CPO: variants seen among roughly 807,000 people sequenced by gnomAD.
CPO encodes carboxypeptidase O, also known as metallocarboxypeptidase C.
In CPO, 43 loss-of-function variants were observed where a neutral mutation model predicts 41.2. That is an observed-to-expected ratio of 1.04 (90% CI 0.82 to 1.35). CPO has a LOEUF of 1.35. CPO is among the 40% of genes most tolerant of loss of function. CPO has a pLI of 0.00. For missense variants in CPO, 408 were observed against 451.7 expected, an observed-to-expected ratio of 0.90 and a Z score of 0.88; for synonymous variants, 178 against 162.7, an observed-to-expected ratio of 1.09 and a Z score of -0.72.
chr2:206,951,285 A>G (rs1693258529), intron 2 of CPO, among the ~76,000 whole-genome samples: 1 of 152,200 alleles, frequency 6.6e-6, no homozygotes, highest in Non-Finnish European at 1.5e-5. Flanking sequence ...AAAAAGAAAT[A>G]TTTGTATTGC....
chr2:206,969,060 A>G (rs1693634859), intron 8 of CPO, 114 bp from the exon 9 acceptor site: 1 of 1,099,268 alleles, frequency 9.1e-7, no homozygotes, highest in South Asian at 1.5e-5. Flanking sequence ...TGAGACCCTG[A>G]TCTAAAAGAG....
chr2:206,952,792 A>G (rs1693290058), intron 2 of CPO, among the ~76,000 whole-genome samples: 2 of 152,154 alleles, frequency 1.3e-5, no homozygotes, highest in African/African-American at 4.8e-5. Flanking sequence ...GTAAGGACAT[A>G]CCCGAGACTG....
intron 4 of CPO, 126 bp from the exon 5 acceptor site, chr2:206,959,505 G>A (rs1574353938): frequency 1.7e-6 from 1 of 605,296 alleles, no homozygotes; most frequent in Non-Finnish European, 3.0e-6. Context: ...CACGGAGGAG[G>A]GCTTGGGGAC....
At chr2:206,959,979 T>G (rs1472189547) in intron 5 of CPO, among the ~76,000 whole-genome samples, 1 of 152,142 alleles carries the variant, frequency 6.6e-6, no homozygotes, top group Non-Finnish European at 1.5e-5. Context: ...TTTTTCTTTG[T>G]TTTTTACTCT....
At chr2:206,957,557 A>T (rs555713912) in intron 3 of CPO, among the ~76,000 whole-genome samples, 1 of 152,124 alleles carries the variant, frequency 6.6e-6, no homozygotes, top group Non-Finnish European at 1.5e-5. Context: ...TCAGCTTCCA[A>T]TGGTTTTCAA....
intron 8 of CPO, 27 bp from the exon 9 acceptor site, chr2:206,969,147 C>T (rs547219145): frequency 5.0e-6 from 8 of 1,610,296 alleles, no homozygotes; most frequent in Non-Finnish European, 5.9e-6. Context: ...ATGACTTCTA[C>T]CTCTGCCTTC....
intron 2 of CPO, among the ~76,000 whole-genome samples, chr2:206,955,069 G>A (rs1232903696): frequency 6.6e-6 from 1 of 152,146 alleles, no homozygotes; most frequent in Non-Finnish European, 1.5e-5. Flanking sequence ...ATATCACCGG[G>A]ATCTGTAAAG....
At chr2:206,956,885 G>A (rs558683913) in intron 3 of CPO, among the ~76,000 whole-genome samples, 1 of 152,190 alleles carries the variant, frequency 6.6e-6, no homozygotes, top group African/African-American at 2.4e-5. Flanking sequence ...ACTGGTTGAT[G>A]TATTAAGCAT....
At chr2:206,961,022 T>A in intron 6 of CPO, 80 bp downstream of exon 6, 1 of 1,030,344 alleles carries the variant, frequency 9.7e-7, no homozygotes, top group Non-Finnish European at 1.5e-6. Flanking sequence ...AAATGTATAA[T>A]TTTTGAAAAT....
At chr2:206,956,384 T>C (rs1333401025) in intron 3 of CPO, among the ~76,000 whole-genome samples, 1 of 151,320 alleles carries the variant, frequency 6.6e-6, no homozygotes, top group Non-Finnish European at 1.5e-5. Context: ...CCAGTGGTTT[T>C]CAAAGGGCAG....
chr2:206,950,487 A>G (rs1693236824), intron 2 of CPO, among the ~76,000 whole-genome samples: 1 of 152,248 alleles, frequency 6.6e-6, no homozygotes, highest in Admixed American at 6.5e-5. Context: ...GTAGGAGTGT[A>G]AATTAGTTCA....
At chr2:206,962,681 T>G (rs543094502) in intron 7 of CPO, 67 bp downstream of exon 7, 8 of 1,356,698 alleles carry the variant, frequency 5.9e-6, no homozygotes, top group African/African-American at 4.3e-5. Context: ...TTTTCTGATT[T>G]CCATTTCCAA....
intron 1 of CPO, among the ~76,000 whole-genome samples, chr2:206,945,719 T>TA (rs2105819173): frequency 1.3e-5 from 2 of 152,208 alleles, no homozygotes; most frequent in Non-Finnish European, 2.9e-5. Context: ...AGCTGTTTGT[T>TA]AAAAAATAAA....
In CPO at chr2:206,958,179, C is replaced by T. The variant is rs1693406861; in HGVS notation, c.268-122C>T. On this transcript the variant is annotated intron_variant, in intron 3 of 8. Transcript: ENST00000272852. Reference sequence around the variant, plus strand: ...GTCTCATTAGCATCCTTGCCTCCCTCTTGAAACCACAGAGTGGAGTGAAAA... The same window carrying T: ...GTCTCATTAGCATCCTTGCCTCCCTTTTGAAACCACAGAGTGGAGTGAAAA... 4 of 561,954 alleles carry T rather than the reference C, an allele frequency of 7.1e-6. No homozygotes were observed. In the East Asian group the frequency reaches 1.2e-4, roughly 17 times the overall value. 34.8% of individuals were successfully genotyped at this position (561,954 alleles called of 1,614,324 possible).
At chr2:206,945,109 A>C (rs1274276129) in intron 1 of CPO, among the ~76,000 whole-genome samples, 1 of 152,176 alleles carries the variant, frequency 6.6e-6, no homozygotes, top group East Asian at 1.9e-4. Context: ...ATCCTCATAA[A>C]AATCCTTTGG....
chr2:206,950,989 T>C (rs1693251035), intron 2 of CPO, among the ~76,000 whole-genome samples: 1 of 151,918 alleles, frequency 6.6e-6, no homozygotes, highest in Non-Finnish European at 1.5e-5. Flanking sequence ...AAATGACAAG[T>C]TGATGGGTGA....
At chr2:206,965,179 C>G (rs1053810846) in intron 7 of CPO, among the ~76,000 whole-genome samples, 1 of 152,212 alleles carries the variant, frequency 6.6e-6, no homozygotes, top group African/African-American at 2.4e-5. Context: ...GTATCTCTTA[C>G]AGTCTCAGGT....
intron 3 of CPO, among the ~76,000 whole-genome samples, chr2:206,955,886 T>A (rs557282913): frequency 6.6e-6 from 1 of 152,294 alleles, no homozygotes; most frequent in East Asian, 1.9e-4. Context: ...TCACCTGTAT[T>A]TTAAGTTGTT....
chr2:206,939,723 A>T, intron 1 of CPO, 56 bp downstream of exon 1: 1 of 1,484,012 alleles, frequency 6.7e-7, no homozygotes, highest in South Asian at 1.2e-5. Flanking sequence ...GTCTAAATTG[A>T]ATGGTTTCTT....
Sources: allele counts gnomAD v4.1 joint callset (sites outside exome capture counted in the v4.1 genomes callset), GRCh38; gene constraint gnomAD v4.1.1; transcripts MANE v1.5; gene names NCBI Gene and HGNC (gene_info 2026-07-23, HGNC 2026-07-21).